MATK: variants seen among roughly 807,000 people sequenced by gnomAD.
MATK encodes the protein megakaryocyte-associated tyrosine kinase.
MATK carries 41 observed loss-of-function variants against 59.8 expected under a neutral mutation model. That is an observed-to-expected ratio of 0.69 (90% CI 0.53 to 0.89). MATK has a LOEUF of 0.89. Among genes scored for constraint, MATK ranks in the 40% least tolerant of loss-of-function variants. MATK has a pLI of 0.00. For synonymous variants in MATK, 308 were observed against 306.1 expected, an observed-to-expected ratio of 1.01 and a Z score of -0.06; for missense variants, 593 against 719.6, an observed-to-expected ratio of 0.82 and a Z score of 2.01.
chr19:3,789,721 C>CTTTTT (rs34795629), upstream of MATK, among the ~76,000 whole-genome samples: 9 of 86,510 alleles, frequency 1.0e-4, no homozygotes, highest in African/African-American at 1.4e-4. Flanking sequence ...GGCAACTTTG[C>CTTTTT]TTTTTTTTTT....
chr19:3,784,678 A>G, intron 3 of MATK, 147 bp downstream of exon 3: 1 of 717,654 alleles, frequency 1.4e-6, no homozygotes, highest in Non-Finnish European at 2.5e-6. Flanking sequence ...GAAGGTCAGG[A>G]AGCCAAGATG....
At chr19:3,784,760 C>T in intron 3 of MATK, 65 bp downstream of exon 3, 1 of 1,206,096 alleles carries the variant, frequency 8.3e-7, no homozygotes, top group African/African-American at 1.5e-5. Flanking sequence ...AGGAAGGGGT[C>T]TCAGGGTGTG....
chr19:3,794,736 G>C (rs1367578876), intron 1 of MATK, among the ~76,000 whole-genome samples: 1 of 152,040 alleles, frequency 6.6e-6, no homozygotes, highest in Non-Finnish European at 1.5e-5. Context: ...CTACTCAAGA[G>C]CAGCCCCTAA....
chr19:3,794,197 T>A (rs1359309582), intron 1 of MATK, among the ~76,000 whole-genome samples: 1 of 152,214 alleles, frequency 6.6e-6, no homozygotes, highest in East Asian at 1.9e-4. Context: ...TCCCCACCTG[T>A]TATCCTGTCT....
At position 3,785,409 on chromosome 19, in the gene MATK, G is replaced by C. The variant is rs1220196420; in HGVS notation, c.-151-123C>G. ...TCCTGTAGCCCTGCTGGGCTCCTCC[G>C]GCCACCCGCTGAGCCTCTCTGATCC... is the stretch of plus-strand genomic sequence containing the variant. On this transcript the variant is annotated intron_variant, in intron 1 of 13. Transcript: ENST00000310132. 5.0e-6 allele frequency: 3 copies of C among 599,022 alleles called. No individual in the cohort carries two copies. In the Admixed American group the frequency reaches 9.5e-5, roughly 19 times the overall value. 37.1% of individuals were successfully genotyped at this position (599,022 alleles called of 1,614,324 possible). A position where few individuals can be genotyped will look rare whatever the true frequency, so the allele number is the denominator to read the frequency against.
At chr19:3,781,708 C>A in intron 7 of MATK, 36 bp from the exon 8 acceptor site, 5 of 1,540,182 alleles carry the variant, frequency 3.2e-6, no homozygotes, top group Non-Finnish European at 4.5e-6. Context: ...GGGTAATGGG[C>A]CCCCTAAATC....
At chr19:3,783,633 G>A (rs1246739771) in intron 6 of MATK, among the ~76,000 whole-genome samples, 181 bp downstream of exon 6, 1 of 152,098 alleles carries the variant, frequency 6.6e-6, no homozygotes, top group Non-Finnish European at 1.5e-5. Context: ...CCACATTGGG[G>A]AAGCACAGAG....
Position 3,779,655 on chromosome 19 carries a change from A to ACC in MATK, c.843-40_843-39dup, listed in dbSNP as rs2066771. The ACC allele has an allele frequency of 3.0e-3, 4,761 of 1,604,554 alleles. 84 individuals are homozygous for ACC. The African/African-American group carries it at 0.06, about 20-fold the overall frequency. ...GGGTGGGCGTGAGGGCAGGGCTGGG[A>ACC]CCCCCCCCGTCCCACGGTCCCCAGC... On this transcript the variant is annotated intron_variant, in intron 9 of 13. Coordinates refer to ENST00000310132, the MANE Select transcript of MATK (RefSeq NM_139355.3).
chr19:3,784,773 C>T lies in MATK; in HGVS notation c.132+52G>A, dbSNP rs370481645. On this transcript the variant is annotated intron_variant, in intron 3 of 13. Coordinates refer to ENST00000310132, the MANE Select transcript of MATK (RefSeq NM_139355.3). ...TCAGGAAGGGGTCTCAGGGTGTGGA[C>T]GGAGTTGAAGAAGGACCCGGGGAGC... The T allele has an allele frequency of 3.4e-4, 456 of 1,358,304 alleles. No homozygotes were observed. In the South Asian group the frequency reaches 3.4e-3, roughly 10 times the overall value. The allele number at this position is 1,358,304 out of a possible 1,614,324, so 84.1% of individuals were successfully genotyped here. A position where few individuals can be genotyped will look rare whatever the true frequency, so the allele number is the denominator to read the frequency against.
At position 3,783,808 on chromosome 19, in the gene MATK, C is replaced by T; in HGVS notation, c.582+6G>A. On this transcript the variant is annotated splice_donor_region_variant and intron_variant, in intron 6 of 13. Coordinates refer to ENST00000310132, the MANE Select transcript of MATK (RefSeq NM_139355.3). ...GGGACGGGGTGGGGCCTCTGGGTGG[C>T]AGCACCTCCACCATGTCCATGAGGT... 6.2e-7 allele frequency: 1 copy of T among 1,607,250 alleles called. No individual in the cohort carries two copies. The highest frequency in any genetic ancestry group is 8.5e-7 in the Non-Finnish European group (1 of 1,175,544).
At chr19:3,786,614 G>A (rs1299231677), upstream of MATK, among the ~76,000 whole-genome samples, 3 of 151,090 alleles carry the variant, frequency 2.0e-5, no homozygotes, top group African/African-American at 7.3e-5. The surrounding 1 kb of genome is among the most constrained non-coding windows in gnomAD (Gnocchi z 4.1). Context: ...GTGAGGGAGA[G>A]TGAGCTGCCC....
chr19:3,778,469 C>G (rs747834767), intron 13 of MATK, 40 bp downstream of exon 13: 1 of 1,613,736 alleles, frequency 6.2e-7, no homozygotes. Flanking sequence ...AGCCTCTGGA[C>G]CTGCCCGGAA....
chr19:3,784,485 G>T, intron 3 of MATK, 34 bp from the exon 4 acceptor site: 1 of 1,482,306 alleles, frequency 6.7e-7, no homozygotes, highest in Non-Finnish European at 9.2e-7. Flanking sequence ...GCAAAGGGAG[G>T]ACATCACGGA....
upstream of MATK, chr19:3,789,194 C>T (rs1599204414): frequency 1.4e-6 from 1 of 699,496 alleles, no homozygotes; most frequent in East Asian, 2.5e-5. Flanking sequence ...TATGGCAAAC[C>T]ACCATCACTT....
At chr19:3,779,488 C>T (rs543443761) in intron 10 of MATK, 37 bp from the exon 11 acceptor site, 1 of 1,611,520 alleles carries the variant, frequency 6.2e-7, no homozygotes, top group African/African-American at 1.3e-5. Context: ...GATGTTGGGG[C>T]TGCTCCGCTG....
At chr19:3,791,542 CA>C (rs1012515532) in intron 1 of MATK, among the ~76,000 whole-genome samples, 24 of 152,110 alleles carry the variant, frequency 1.6e-4, no homozygotes, top group African/African-American at 5.8e-4. Flanking sequence ...GGGGTTTCAC[CA>C]TGTTGGCCAG....
chr19:3,780,521 A>G (rs561623439), intron 8 of MATK, among the ~76,000 whole-genome samples: 3 of 150,628 alleles, frequency 2.0e-5, no homozygotes, highest in Admixed American at 6.6e-5. Flanking sequence ...TCTGCCTCCC[A>G]GGTCACGCCA....
chr19:3,791,745 A>G (rs1375573905), intron 1 of MATK, among the ~76,000 whole-genome samples: 1 of 152,122 alleles, frequency 6.6e-6, no homozygotes, highest in Non-Finnish European at 1.5e-5. Context: ...TCTGGCTGTC[A>G]TAATCTGCCT....
At chr19:3,795,847 C>T (rs543870224) in intron 1 of MATK, among the ~76,000 whole-genome samples, 214 of 147,608 alleles carry the variant, frequency 1.4e-3, no homozygotes, top group Middle Eastern at 7.4e-3. Flanking sequence ...CTGCATCCTC[C>T]GCCTCCCAGG....
Sources: gnomAD v4.1 joint callset for allele counts (sites outside exome capture counted in the v4.1 genomes callset) on GRCh38, gnomAD v4.1.1 for gene constraint, Gnocchi (gnomAD v3.1) non-coding constraint, MANE v1.5 for transcripts, NCBI Gene and HGNC (gene_info 2026-07-23, HGNC 2026-07-21) for gene names.